LNX1: variants seen among roughly 807,000 people sequenced by gnomAD.
LNX1 encodes the protein ligand of numb-protein X 1.
LNX1 carries 54 observed loss-of-function variants against 68.4 expected under a neutral mutation model. The ratio of observed to expected loss-of-function variants is 0.79; its 90% CI spans 0.63 to 0.99. LNX1 has a LOEUF of 0.99. Among genes scored for constraint, LNX1 ranks in the 50% least tolerant of loss-of-function variants. LNX1 has a pLI of 0.00. For missense variants in LNX1, 906 were observed against 926.4 expected, an observed-to-expected ratio of 0.98 and a Z score of 0.29; for synonymous variants, 336 against 350.0, an observed-to-expected ratio of 0.96 and a Z score of 0.45.
In LNX1 at chr4:53,488,751, C is replaced by T. The variant is rs141991617; in HGVS notation, c.1351-6897G>A. 5.3e-5 allele frequency among the ~76,000 whole-genome samples: 8 copies of T among 152,268 alleles called. No homozygotes were observed. The East Asian group carries it at 1.4e-3, about 26-fold the overall frequency. ...CAAATTATAGCAGAGCAGCCCACCC[C>T]TGAGACCACATGATGCCATACAGAC... is the stretch of plus-strand genomic sequence containing the variant. On this transcript the variant is annotated intron_variant, in intron 6 of 10. Coordinates refer to ENST00000263925, the MANE Select transcript of LNX1 (RefSeq NM_001126328.3).
At chr4:53,465,706 A>G (rs868546508) in intron 9 of LNX1, among the ~76,000 whole-genome samples, 9 of 152,354 alleles carry the variant, frequency 5.9e-5, no homozygotes, top group Admixed American at 5.2e-4. Context: ...TTGTACATAC[A>G]CTAAAAAGAT....
At chr4:53,563,733 C>T (rs1386036053) in intron 2 of LNX1, among the ~76,000 whole-genome samples, 1 of 152,132 alleles carries the variant, frequency 6.6e-6, no homozygotes, top group Non-Finnish European at 1.5e-5. Context: ...CGGGGTTTCA[C>T]CATTTTGGTC....
chr4:53,650,513 A>G (rs1306982721), intron 1 of LNX1, among the ~76,000 whole-genome samples: 1 of 152,142 alleles, frequency 6.6e-6, no homozygotes, highest in East Asian at 1.9e-4. Context: ...GAAAGGGAGA[A>G]AACTCTGTGG....
At position 53,507,204 on chromosome 4, in the gene LNX1, C is replaced by T; in HGVS notation, c.775+113G>A. 3.5e-6 allele frequency: 4 copies of T among 1,130,450 alleles called. No homozygotes were observed. In the South Asian group the frequency reaches 4.7e-5, roughly 13 times the overall value. 70.0% of individuals were successfully genotyped at this position (1,130,450 alleles called of 1,614,324 possible). On this transcript the variant is annotated intron_variant, in intron 4 of 10. Coordinates refer to ENST00000263925, the MANE Select transcript of LNX1 (RefSeq NM_001126328.3). The stretch of plus-strand genomic sequence containing the variant: ...TAATCAAAGTAAAAAATATTGTATA[C>T]CCTTGGGAAGAGAGGGGTCACAGAA...
intron 2 of LNX1, chr4:53,558,332 A>C (rs553333861): frequency 9.7e-7 from 1 of 1,031,258 alleles, no homozygotes; most frequent in East Asian, 7.9e-5. Flanking sequence ...ACAGGCTGGG[A>C]GTTAAAATGT....
chr4:53,571,070 G>T lies in LNX1; in HGVS notation c.380+2553C>A, dbSNP rs1308487116. ...CTTTTTTTTTTTGAGATGGAGTCTC[G>T]CTCTGTCACCTAATCTTGGCTTACT... On this transcript the variant is annotated intron_variant, in intron 2 of 10. Coordinates refer to ENST00000263925, the MANE Select transcript of LNX1 (RefSeq NM_001126328.3). Among the ~76,000 whole-genome samples the T allele has an allele frequency of 2.7e-5, 4 of 149,184 alleles. No individual in the cohort carries two copies. In the East Asian group the frequency reaches 5.9e-4, roughly 22 times the overall value.
chr4:53,498,640 C>T lies in LNX1; in HGVS notation c.978+1G>A. On this transcript the variant is annotated splice_donor_variant, in intron 5 of 10. Transcript: ENST00000263925. LOFTEE classifies it high-confidence loss of function. ...TGCAGCCCCACAGCCACAGTCTCTA[C>T]CTTTAGAATGATGTCTCCTGGCAGT... 2 of 1,613,172 alleles carry T rather than the reference C, an allele frequency of 1.2e-6. No homozygotes were observed. The highest frequency in any genetic ancestry group is 1.1e-5 in the South Asian group (1 of 91,072).
chr4:53,495,924 A>G, intron 6 of LNX1, 99 bp downstream of exon 6: 2 of 1,385,068 alleles, frequency 1.4e-6, no homozygotes, highest in East Asian at 4.6e-5. Flanking sequence ...GCACTGCATG[A>G]CACATGTGGT....
chr4:53,577,691 A>C (rs1406303366), intron 1 of LNX1, among the ~76,000 whole-genome samples: 1 of 152,122 alleles, frequency 6.6e-6, no homozygotes, highest in Non-Finnish European at 1.5e-5. Context: ...CTAGGGTTAC[A>C]GATGTGAGCC....
In LNX1 at chr4:53,638,739, A is replaced by G. The variant is rs147887505; in HGVS notation, c.-215+13429T>C. Among the ~76,000 whole-genome samples, 174 of 152,320 alleles carry G rather than the reference A, an allele frequency of 1.1e-3. 1 individual carries two copies. Among genetic ancestry groups the G allele is most frequent in the African/African-American group, 4.0e-3 (168 of 41,580 alleles). On this transcript the variant is annotated intron_variant, in intron 1 of 2. Coordinates refer to the LNX1 transcript ENST00000507168. ...TATCTATGTTAGAGAAGCATCATTC[A>G]GGCATGAGTTATAGCGCTGTTGGCC...
intron 2 of LNX1, among the ~76,000 whole-genome samples, chr4:53,571,393 A>T (rs1364000416): frequency 6.6e-6 from 1 of 151,986 alleles, no homozygotes; most frequent in African/African-American, 2.4e-5. Context: ...ATGAGTTCTT[A>T]TAGGAGGGAG....
chr4:53,575,911 G>C, intron 1 of LNX1: 3 of 1,573,378 alleles, frequency 1.9e-6, no homozygotes, highest in Non-Finnish European at 2.6e-6. Flanking sequence ...CTGCCGAGAG[G>C]CTGTGCAGTG....
chr4:53,546,284 G>A (rs777610775), intron 2 of LNX1, among the ~76,000 whole-genome samples: 7 of 152,196 alleles, frequency 4.6e-5, no homozygotes, highest in African/African-American at 9.7e-5. Flanking sequence ...CAGGCTGCAC[G>A]TGTTCAAAAT....
At chr4:53,462,963 A>C (rs569441019) in intron 9 of LNX1, among the ~76,000 whole-genome samples, 1 of 152,160 alleles carries the variant, frequency 6.6e-6, no homozygotes, top group Non-Finnish European at 1.5e-5. Context: ...GTAACTGGCT[A>C]TTCTGTAAAT....
intron 1 of LNX1, among the ~76,000 whole-genome samples, chr4:53,627,980 G>A (rs1230082559): frequency 1.3e-5 from 2 of 152,130 alleles, no homozygotes; most frequent in Non-Finnish European, 2.9e-5. Context: ...AGTGCATTTA[G>A]GAAAGAACCA....
chr4:53,560,761 A>G (rs1730229291), intron 2 of LNX1, among the ~76,000 whole-genome samples: 1 of 152,230 alleles, frequency 6.6e-6, no homozygotes, highest in African/African-American at 2.4e-5. Context: ...GCAAAATCAT[A>G]GTAATCCTGG....
intron 1 of LNX1, among the ~76,000 whole-genome samples, chr4:53,583,932 AAACAACAACAACAACAACAAC>A (rs57272023): frequency 2.2e-4 from 33 of 149,766 alleles, no homozygotes; most frequent in South Asian, 1.1e-3. Flanking sequence ...GACCCCCTGC[AAACAACAACAACAACAACAAC>A]AACAACAACA....
intron 2 of LNX1, among the ~76,000 whole-genome samples, chr4:53,568,525 C>T (rs1577728442): frequency 6.6e-6 from 1 of 151,162 alleles, no homozygotes; most frequent in African/African-American, 2.5e-5. Context: ...CTATGACAAA[C>T]CTACAGCCAA....
chr4:53,528,863 C>T (rs1445548463), intron 2 of LNX1, among the ~76,000 whole-genome samples: 6 of 152,220 alleles, frequency 3.9e-5, no homozygotes, highest in South Asian at 2.1e-4. Flanking sequence ...AAGGTATTGG[C>T]TCTGGGATGG....
Sources: gnomAD v4.1 joint callset for allele counts (sites outside exome capture counted in the v4.1 genomes callset) on GRCh38, gnomAD v4.1.1 for gene constraint, MANE v1.5 for transcripts, NCBI Gene and HGNC (gene_info 2026-07-23, HGNC 2026-07-21) for gene names.